The following TUBA1A variants were observed in gnomAD, a reference collection of about 807,000 sequenced individuals.
The protein encoded by TUBA1A is tubulin alpha 1a, also known as tubulin alpha-1A chain.
TUBA1A carries 7 observed loss-of-function variants against 34.6 expected under a neutral mutation model. The observed-to-expected ratio is 0.20, with a 90% CI of 0.11 to 0.38. TUBA1A has a LOEUF of 0.38. Ranked by LOEUF, TUBA1A falls within the 10% of genes least tolerant of loss-of-function variation. The pLI is 1.00. For missense variants in TUBA1A, 19 were observed against 581.3 expected (o/e 0.03, Z 9.95); for synonymous variants, 193 against 210.2 (o/e 0.92, Z 0.71).
chr12:49,187,171 A>T, intron 1 of TUBA1A: 7 of 1,183,658 alleles, frequency 5.9e-6, no homozygotes, highest in Non-Finnish European at 7.4e-6. Context: ...ATTATGACTT[A>T]ATTGGGATTA....
intron 1 of TUBA1A, chr12:49,187,592 A>G (rs1942196264): frequency 3.1e-6 from 3 of 972,400 alleles, no homozygotes; most frequent in Non-Finnish European, 3.6e-6. Flanking sequence ...TAGCAATTTC[A>G]TTACTTTTTT....
In TUBA1A at chr12:49,186,583, C is replaced by A; in HGVS notation, c.226+28G>T. 1 of 1,612,700 alleles carries A rather than the reference C, an allele frequency of 6.2e-7. No individual in the cohort carries two copies. The highest frequency in any genetic ancestry group is 8.5e-7 in the Non-Finnish European group (1 of 1,178,886). ...ACCTCCTGTCCCAGCACCCTGGGAT[C>A]TCACTTGGGTTACTGAGGTCAACTC... On this transcript the variant is annotated intron_variant, in intron 2 of 3. Coordinates refer to ENST00000301071, the MANE Select transcript of TUBA1A (RefSeq NM_006009.4). The surrounding 1 kb of genome is among the most constrained non-coding windows in gnomAD (Gnocchi z 6.6).
In TUBA1A at chr12:49,185,364, G is replaced by A; in HGVS notation, c.1002C>T (p.Thr334=). The change falls in exon 4 of 4, where the codon ACC becomes ACT. Residue 334 remains threonine, a synonymous_variant. Coordinates refer to ENST00000301071, the MANE Select transcript of TUBA1A (RefSeq NM_006009.4). ...ACTGGATGGTACGCTTGGTCTTGAT[G>A]GTGGCAATGGCAGCATTGACATCTT... ...VPKDVNAAIA[T]IKTKRTIQFV... 6.2e-7 allele frequency: 1 copy of A among 1,614,210 alleles called. No individual in the cohort carries two copies. The highest frequency in any genetic ancestry group is 1.3e-5 in the African/African-American group (1 of 75,062).
chr12:49,188,908 GT>G lies in TUBA1A; in HGVS notation c.3+68del. The G allele has an allele frequency of 1.9e-6, 3 of 1,614,016 alleles. No homozygotes were observed. The highest frequency in any genetic ancestry group is 2.5e-6 in the Non-Finnish European group (3 of 1,180,046). On this transcript the variant is annotated intron_variant, in intron 1 of 3. Transcript: ENST00000301071. This position sits in a 1 kb window ranked among gnomAD's most constrained non-coding sequence, Gnocchi z 4.9. ...GCTTACGAAAGAAAAGAGCTTAAAG[GT>G]TTTCCAAGTAGAGCCTGGGGGCGCT... is the stretch of plus-strand genomic sequence containing the variant.
At position 49,188,507 on chromosome 12, in the gene TUBA1A, C is replaced by G; in HGVS notation, c.3+470G>C. 1 of 1,521,220 alleles carries G rather than the reference C, an allele frequency of 6.6e-7. No individual in the cohort carries two copies. Among genetic ancestry groups the G allele is most frequent in the Non-Finnish European group, 8.8e-7 (1 of 1,136,442 alleles). The allele number at this position is 1,521,220 out of a possible 1,614,324, so 94.2% of individuals were successfully genotyped here. ...GCTAACCCTAGGCTGCGCTTTGTTC[C>G]CGTTCCCCCTCCCACGTCCCCCAGC... On this transcript the variant is annotated intron_variant, in intron 1 of 3. Transcript: ENST00000301071. The surrounding 1 kb of genome is among the most constrained non-coding windows in gnomAD (Gnocchi z 4.9).
Position 49,185,847 on chromosome 12 carries a change from C to T in TUBA1A, c.519G>A (p.Pro173=), listed in dbSNP as rs200372205. The T allele has an allele frequency of 1.1e-5, 17 of 1,613,778 alleles. No homozygotes were observed. The highest frequency in any genetic ancestry group is 1.7e-4 in the Middle Eastern group (1 of 5,986). ...CTACAGCTGTGGAAACCTGGGGCGC[C>T]GGGTAAATAGAGAACTCCAGCTTGG... The part of the protein sequence containing the change: ...KKSKLEFSIY[P]APQVSTAVVE... Residue 173 remains proline (P), a synonymous_variant, in exon 4 of 4, where the codon CCG becomes CCA. Coordinates refer to ENST00000301071, the MANE Select transcript of TUBA1A (RefSeq NM_006009.4).
chr12:49,188,408 G>C lies in TUBA1A; in HGVS notation c.3+569C>G, dbSNP rs1283046389. 1.3e-6 allele frequency: 2 copies of C among 1,535,922 alleles called. No homozygotes were observed. On this transcript the variant is annotated intron_variant, in intron 1 of 3. Transcript: ENST00000301071. This position sits in a 1 kb window ranked among gnomAD's most constrained non-coding sequence, Gnocchi z 4.9. ...ACACCCGCTGCCGGGGGCTCCGGCA[G>C]AAACTCACCATGTTTTCCCGGGAAT...
At chr12:49,187,392 T>G in intron 1 of TUBA1A, 1 of 998,656 alleles carries the variant, frequency 1.0e-6, no homozygotes, top group African/African-American at 1.7e-5. Flanking sequence ...TGCTAGCCTG[T>G]ACTGTCTGCT....
chr12:49,188,488 C>T lies in TUBA1A; in HGVS notation c.3+489G>A. The T allele has an allele frequency of 6.5e-7, 1 of 1,532,098 alleles. No individual in the cohort carries two copies. Among genetic ancestry groups the T allele is most frequent in the Non-Finnish European group, 8.7e-7 (1 of 1,144,230 alleles). 94.9% of individuals were successfully genotyped at this position (1,532,098 alleles called of 1,614,324 possible). Reference sequence around the variant, plus strand: ...CCGCGGAGGGTCTTCCCACGCTAACCCTAGGCTGCGCTTTGTTCCCGTTCC... The same window carrying T: ...CCGCGGAGGGTCTTCCCACGCTAACTCTAGGCTGCGCTTTGTTCCCGTTCC... On this transcript the variant is annotated intron_variant, in intron 1 of 3. Transcript: ENST00000301071. The surrounding 1 kb of genome is among the most constrained non-coding windows in gnomAD (Gnocchi z 4.9).
chr12:49,185,646 A>G lies in TUBA1A; in HGVS notation c.720T>C (p.Ala240=). The G allele has an allele frequency of 6.2e-7, 1 of 1,614,044 alleles. No homozygotes were observed. The highest frequency in any genetic ancestry group is 8.5e-7 in the Non-Finnish European group (1 of 1,179,928). The part of the protein sequence containing the change: ...LIGQIVSSIT[A]SLRFDGALNV... ...TCAGGGCTCCATCAAATCTCAGGGAAGCAGTGATGGAGGACACAATTTGAC... is the reference window on the plus strand; with the variant it reads ...TCAGGGCTCCATCAAATCTCAGGGAGGCAGTGATGGAGGACACAATTTGAC... Residue 240 remains alanine (A), a synonymous_variant, in exon 4 of 4, where the codon GCT becomes GCC. Coordinates refer to ENST00000301071, the MANE Select transcript of TUBA1A (RefSeq NM_006009.4).
chr12:49,187,142 G>A (rs1484767399), intron 1 of TUBA1A: 1 of 1,237,858 alleles, frequency 8.1e-7, no homozygotes, highest in Non-Finnish European at 1.0e-6. Flanking sequence ...CACAAATTTT[G>A]TAAAATGAAG....
Position 49,185,295 on chromosome 12 carries a change from G to A in TUBA1A, c.1071C>T (p.Tyr357=), listed in dbSNP as rs1489213862. The change falls in exon 4 of 4, where the codon TAC becomes TAT. Residue 357 remains tyrosine (Y), a synonymous_variant. Transcript: ENST00000301071. ...CACCAGGCACCACAGTGGGAGGCTG[G>A]TAGTTGATGCCAACCTTGAAGCCAG... ...CPTGFKVGIN[Y]QPPTVVPGGD... 6.2e-6 allele frequency: 10 copies of A among 1,614,080 alleles called. No individual in the cohort carries two copies. Among genetic ancestry groups the A allele is most frequent in the African/African-American group, 1.3e-5 (1 of 74,936 alleles).
rs1183215087 is a variant in TUBA1A, at chr12:49,188,406, C to A, written c.3+571G>T. ...TGACACCCGCTGCCGGGGGCTCCGG[C>A]AGAAACTCACCATGTTTTCCCGGGA... On this transcript the variant is annotated intron_variant, in intron 1 of 3. Coordinates refer to ENST00000301071, the MANE Select transcript of TUBA1A (RefSeq NM_006009.4). The surrounding 1 kb of genome is among the most constrained non-coding windows in gnomAD (Gnocchi z 4.9). The A allele has an allele frequency of 1.3e-6, 2 of 1,535,788 alleles. No individual in the cohort carries two copies. The highest frequency in any genetic ancestry group is 1.7e-6 in the Non-Finnish European group (2 of 1,146,806).
Position 49,186,000 on chromosome 12 carries a change from A to G in TUBA1A, c.376-10T>C, listed in dbSNP as rs886049493. On this transcript the variant is annotated splice_polypyrimidine_tract_variant and intron_variant, in intron 3 of 3. Transcript: ENST00000301071. ...CCGTGCACTGGTCGGCCTATAACAA[A>G]AGAGAGGAACAGAGGAAAGGTTAAG... The G allele has an allele frequency of 9.9e-6, 16 of 1,614,118 alleles. No individual in the cohort carries two copies. The highest frequency in any genetic ancestry group is 2.2e-5 in the East Asian group (1 of 44,888).
Position 49,186,376 on chromosome 12 carries a change from A to G in TUBA1A, c.309T>C (p.Tyr103=), listed in dbSNP as rs772038983. ...TGCCAATGGTGTAGTGCCCTCGGGC[A>G]TAGTTATTGGCAGCATCTTCTTTGC... ...ITGKEDAANN[Y]ARGHYTIGKE... The change falls in exon 3 of 4, where the codon TAT becomes TAC. Residue 103 remains tyrosine (Y), a synonymous_variant. Coordinates refer to ENST00000301071, the MANE Select transcript of TUBA1A (RefSeq NM_006009.4). This position sits in a 1 kb window ranked among gnomAD's most constrained non-coding sequence, Gnocchi z 6.6. 12 of 1,613,728 alleles carry G rather than the reference A, an allele frequency of 7.4e-6. No homozygotes were observed. In the South Asian group the frequency reaches 1.3e-4, roughly 18 times the overall value.
In TUBA1A at chr12:49,188,167, G is replaced by A. The variant is rs1343885900; in HGVS notation, c.3+810C>T. 4 of 984,316 alleles carry A rather than the reference G, an allele frequency of 4.1e-6. No homozygotes were observed. In the African/African-American group the frequency reaches 7.0e-5, roughly 17 times the overall value. 61.0% of individuals were successfully genotyped at this position (984,316 alleles called of 1,614,324 possible). ...GACCAGACATTAAAGAGCTTGTGAA[G>A]TGAATTATGATTTTGCTCAAGAAAA... On this transcript the variant is annotated intron_variant, in intron 1 of 3. Transcript: ENST00000301071. This position sits in a 1 kb window ranked among gnomAD's most constrained non-coding sequence, Gnocchi z 4.9.
chr12:49,188,000 C>G, intron 1 of TUBA1A: 1 of 979,294 alleles, frequency 1.0e-6, no homozygotes, highest in Non-Finnish European at 1.2e-6. Context: ...CCTCGCTGAA[C>G]GTGCAGTCCA....
rs1227980151 is a variant in TUBA1A at position 49,186,464 on chromosome 12, G to T, written c.227-6C>A. 1.2e-6 allele frequency: 2 copies of T among 1,612,404 alleles called. No individual in the cohort carries two copies. Among genetic ancestry groups the T allele is most frequent in the African/African-American group, 2.7e-5 (2 of 74,364 alleles). The stretch of plus-strand genomic sequence containing the variant: ...GGTGCCAGTGCGAACTTCATCTGGA[G>T]AACATGATGGGGGAGGAGCAGGGGG... On this transcript the variant is annotated splice_polypyrimidine_tract_variant and splice_region_variant and intron_variant, in intron 2 of 3. Transcript: ENST00000301071. The surrounding 1 kb of genome is among the most constrained non-coding windows in gnomAD (Gnocchi z 6.6).
chr12:49,187,993 C>T (rs933824033), intron 1 of TUBA1A: 22 of 983,054 alleles, frequency 2.2e-5, no homozygotes, highest in Non-Finnish European at 2.5e-5. Context: ...CTTTCTCCCT[C>T]GCTGAACGTG....
Sources: gnomAD v4.1 joint callset for allele counts on GRCh38, gnomAD v4.1.1 for gene constraint, Gnocchi (gnomAD v3.1) non-coding constraint, MANE v1.5 for transcripts, NCBI Gene and HGNC (gene_info 2026-07-23, HGNC 2026-07-21) for gene names.